The following DMKN variants were observed in gnomAD, a reference collection of about 807,000 sequenced individuals.
DMKN encodes epidermis-specific secreted protein SK30/SK89.
In DMKN, 58 loss-of-function variants were observed where a neutral mutation model predicts 67.6. The ratio of observed to expected loss-of-function variants is 0.86; its 90% CI spans 0.69 to 1.07. The LOEUF is 1.07. Among genes scored for constraint, DMKN ranks in the 50% least tolerant of loss-of-function variants. The pLI, the probability that DMKN is intolerant of heterozygous loss-of-function variation, is 0.00. For synonymous variants in DMKN, 240 were observed against 232.3 expected (o/e 1.03, Z -0.30); for missense variants, 596 against 601.5 (o/e 0.99, Z 0.10).
chr19:35,501,724 C>T, intron 11 of DMKN: 2 of 1,282,092 alleles, frequency 1.6e-6, no homozygotes, highest in East Asian at 2.6e-5. Flanking sequence ...TGCACACCGC[C>T]CTCCCGTTCC....
chr19:35,502,789 G>A (rs1372386600), intron 10 of DMKN, 41 bp downstream of exon 10: 4 of 1,610,806 alleles, frequency 2.5e-6, no homozygotes, highest in Non-Finnish European at 2.5e-6. Context: ...GAGTCAGGAG[G>A]GCCAGGCCCC....
At chr19:35,500,758 A>C (rs531375362) in intron 11 of DMKN, among the ~76,000 whole-genome samples, 178 bp from the exon 12 acceptor site, 2 of 152,356 alleles carry the variant, frequency 1.3e-5, no homozygotes, top group African/African-American at 2.4e-5. Context: ...CACACTCAGC[A>C]TTGGGAGCCA....
At position 35,513,266 on chromosome 19, in the gene DMKN, G is replaced by A. The variant is rs183571650; in HGVS notation, c.210C>T (p.Ala70=). Residue 70 remains alanine (A), a synonymous_variant, in exon 1 of 16, where the codon GCC becomes GCT. Coordinates refer to ENST00000339686, the MANE Select transcript of DMKN (RefSeq NM_033317.5). Reference sequence around the variant, plus strand: ...CTGCTTCTCTGGTCCCTTGGCCAAGGGCCTCACTGACTTTAGAGCCAGCTG... The same window carrying A: ...CTGCTTCTCTGGTCCCTTGGCCAAGAGCCTCACTGACTTTAGAGCCAGCTG... ...GGAAGSKVSE[A]LGQGTREAVG... is the part of the protein sequence containing the mutation. 6.8e-5 allele frequency: 110 copies of A among 1,613,910 alleles called. 2 individuals carry two copies. The East Asian group carries it at 2.2e-3, about 33-fold the overall frequency.
At position 35,513,456 on chromosome 19, in the gene DMKN, A is replaced by C; in HGVS notation, c.20T>G (p.Leu7Arg). MKFQGP[L>R]ACLLLALCLG... is the part of the protein sequence containing the mutation. Reference sequence around the variant, plus strand: ...GCAGAGGGCCAGCAGGAGGCAGGCCAGGGGCCCCTGGAACTTCATCTCTGC... The same window carrying C: ...GCAGAGGGCCAGCAGGAGGCAGGCCCGGGGCCCCTGGAACTTCATCTCTGC... The change falls in exon 1 of 16, where the codon CTG becomes CGG. Residue 7 changes from leucine to arginine, a missense_variant. Coordinates refer to ENST00000339686, the MANE Select transcript of DMKN (RefSeq NM_033317.5). 1.3e-6 allele frequency: 2 copies of C among 1,599,016 alleles called. No individual in the cohort carries two copies.
At position 35,498,754 on chromosome 19, in the gene DMKN, C is replaced by T; in HGVS notation, c.1393G>A (p.Val465Met). 6.2e-7 allele frequency: 1 copy of T among 1,614,140 alleles called. No individual in the cohort carries two copies. Among genetic ancestry groups the T allele is most frequent in the Non-Finnish European group, 8.5e-7 (1 of 1,180,016 alleles). ...GVSPSSSASRVQPGLLQWVKF... is the reference protein window; with the variant it reads ...GVSPSSSASRMQPGLLQWVKF... The stretch of plus-strand genomic sequence containing the variant: ...ACCCACTGCAGCAGGCCAGGTTGCA[C>T]CCGGGAAGCCTGCCAGAAAAAGAGA... The change falls in exon 15 of 16, where the codon GTG becomes ATG. Residue 465 changes from valine to methionine, a missense_variant. Physicochemically the swap from Val to Met is conservative, Grantham distance 21. Transcript: ENST00000339686.
chr19:35,502,905 G>T lies in DMKN; in HGVS notation c.1135-19C>A, dbSNP rs749490476. 6.2e-7 allele frequency: 1 copy of T among 1,612,874 alleles called. No individual in the cohort carries two copies. Among genetic ancestry groups the T allele is most frequent in the Non-Finnish European group, 8.5e-7 (1 of 1,179,478 alleles). On this transcript the variant is annotated intron_variant, in intron 9 of 15. Transcript: ENST00000339686. ...CCTGGTTCTGTGGATGAAAGGCGGG[G>T]AGCAGGTTAGCAGAGAGCCTGGGCC... is the stretch of plus-strand genomic sequence containing the variant.
chr19:35,511,741 TG>T, intron 4 of DMKN, 21 bp downstream of exon 4: 1 of 1,609,910 alleles, frequency 6.2e-7, no homozygotes, highest in South Asian at 1.1e-5. Context: ...GCACAACTCC[TG>T]GGTTGCCCCT....
intron 13 of DMKN, among the ~76,000 whole-genome samples, chr19:35,499,698 T>G (rs1202349769): frequency 6.6e-6 from 1 of 152,122 alleles, no homozygotes; most frequent in African/African-American, 2.4e-5. Context: ...GGTTCTCAGT[T>G]TTCTCTGTTG....
At chr19:35,512,378 C>A (rs889403235) in intron 3 of DMKN, 43 bp downstream of exon 3, 1 of 1,608,082 alleles carries the variant, frequency 6.2e-7, no homozygotes, top group Non-Finnish European at 8.5e-7. Flanking sequence ...CTGTAGCCTG[C>A]ACCCAGTGGC....
At chr19:35,511,083 C>T (rs1264056482) in intron 5 of DMKN, among the ~76,000 whole-genome samples, 3 of 152,200 alleles carry the variant, frequency 2.0e-5, no homozygotes, top group East Asian at 1.9e-4. Flanking sequence ...CCTCTTTCTC[C>T]GCCACCCCAC....
chr19:35,498,951 C>T, intron 13 of DMKN, 54 bp from the exon 14 acceptor site: 1 of 1,613,692 alleles, frequency 6.2e-7, no homozygotes, highest in Non-Finnish European at 8.5e-7. Flanking sequence ...CTGTACTCTG[C>T]CATGGCCTCC....
intron 3 of DMKN, among the ~76,000 whole-genome samples, chr19:35,512,051 G>A (rs1335349349): frequency 1.4e-5 from 2 of 142,686 alleles, no homozygotes; most frequent in African/African-American, 5.3e-5. Flanking sequence ...AGGCTGGAGT[G>A]CAGTGATGCG....
At position 35,511,612 on chromosome 19, in the gene DMKN, G is replaced by T. The variant is rs953159460; in HGVS notation, c.736-19C>A. 3 of 1,610,662 alleles carry T rather than the reference G, an allele frequency of 1.9e-6. No homozygotes were observed. The highest frequency in any genetic ancestry group is 2.5e-6 in the Non-Finnish European group (3 of 1,178,780). Reference sequence around the variant, plus strand: ...TGCCTCCCTGAGGGGCAGGAAGGGAGCAGGGCTGGGATTAAAGACAGAGCA... The same window carrying T: ...TGCCTCCCTGAGGGGCAGGAAGGGATCAGGGCTGGGATTAAAGACAGAGCA... On this transcript the variant is annotated intron_variant, in intron 4 of 15. Coordinates refer to ENST00000339686, the MANE Select transcript of DMKN (RefSeq NM_033317.5).
rs2146195124 is a variant in DMKN, at chr19:35,510,488, C to T, written c.919-236G>A. The T allele has an allele frequency of 4.5e-6, 7 of 1,550,678 alleles. No homozygotes were observed. In the South Asian group the frequency reaches 8.3e-5, roughly 18 times the overall value. On this transcript the variant is annotated intron_variant, in intron 5 of 15. Transcript: ENST00000339686. ...TACGCAATGATTTGGAGAACCTGAG[C>T]TGCTGCCCACCGCAGGCCGGGGGTG...
At chr19:35,509,555 T>TG (rs964830510) in intron 7 of DMKN, 3 of 197,686 alleles carry the variant, frequency 1.5e-5, no homozygotes, top group East Asian at 1.2e-4. Flanking sequence ...CCAGCATAAC[T>TG]GGGGGGAATG....
intron 7 of DMKN, chr19:35,507,343 G>A (rs767133505): frequency 3.3e-5 from 34 of 1,026,608 alleles, no homozygotes; most frequent in Admixed American, 6.6e-5. Context: ...GTCACTGGAC[G>A]CAGATTCAGA....
At position 35,513,273 on chromosome 19, in the gene DMKN, C is replaced by T. The variant is rs1316252979; in HGVS notation, c.203G>A (p.Ser68Asn). ...EAGGAAGSKV[S>N]EALGQGTREA... Reference sequence around the variant, plus strand: ...TCTGGTCCCTTGGCCAAGGGCCTCACTGACTTTAGAGCCAGCTGCCCCTCC... The same window carrying T: ...TCTGGTCCCTTGGCCAAGGGCCTCATTGACTTTAGAGCCAGCTGCCCCTCC... Residue 68 changes from serine to asparagine, a missense_variant, in exon 1 of 16, where the codon AGT becomes AAT. Ser to Asn is a conservative substitution (Grantham distance 46). Transcript: ENST00000339686. The T allele has an allele frequency of 6.2e-7, 1 of 1,613,966 alleles. No homozygotes were observed. The highest frequency in any genetic ancestry group is 1.3e-5 in the African/African-American group (1 of 75,060).
At chr19:35,510,021 C>A in intron 6 of DMKN, 60 bp from the exon 7 acceptor site, 5 of 1,607,398 alleles carry the variant, frequency 3.1e-6, no homozygotes, top group Non-Finnish European at 4.3e-6. Context: ...GTCCCAGCCC[C>A]AAAATGGCAG....
chr19:35,506,460 G>A (rs2069539065), intron 7 of DMKN: 2 of 633,828 alleles, frequency 3.2e-6, no homozygotes, highest in Admixed American at 4.2e-5. Flanking sequence ...AACACCTCAA[G>A]CAAATGAGAT....
Sources: allele counts gnomAD v4.1 joint callset (sites outside exome capture counted in the v4.1 genomes callset), GRCh38; gene constraint gnomAD v4.1.1; transcripts MANE v1.5; gene names NCBI Gene and HGNC (gene_info 2026-07-23, HGNC 2026-07-21).